The following TUSC3 variants were observed in gnomAD, a reference collection of about 807,000 sequenced individuals.
TUSC3 encodes tumor suppressor candidate 3.
TUSC3 carries 45 observed loss-of-function variants against 44.8 expected under a neutral mutation model. That is an observed-to-expected ratio of 1.00 (90% CI 0.79 to 1.29). The LOEUF (loss-of-function observed/expected upper bound fraction) is 1.29. Ranked by LOEUF, TUSC3 falls within the 50% of genes most tolerant of loss-of-function variation. TUSC3 has a pLI of 0.00. For synonymous variants in TUSC3, 212 were observed against 152.9 expected (o/e 1.39, Z -2.85); for missense variants, 519 against 437.9 (o/e 1.19, Z -1.65).
rs1585157934 is a variant in TUSC3, at chr8:15,617,472, G to C, written c.139-5608G>C. ...GTTTAAAAAGCCACACATTAATATG[G>C]ATGCCTCCAACTCCTGTCCAACGTC... On this transcript the variant is annotated intron_variant, in intron 1 of 10. Coordinates refer to ENST00000503731, the MANE Select transcript of TUSC3 (RefSeq NM_006765.4). Among the ~76,000 whole-genome samples the C allele has an allele frequency of 6.6e-5, 10 of 152,090 alleles. 1 individual carries two copies. In the South Asian group the frequency reaches 1.5e-3, roughly 22 times the overall value.
At chr8:15,750,141 G>C (rs984072796) in intron 9 of TUSC3, among the ~76,000 whole-genome samples, 6 of 151,368 alleles carry the variant, frequency 4.0e-5, no homozygotes, top group African/African-American at 1.5e-4. Flanking sequence ...CACCATGCCT[G>C]GCTAATTTTT....
intron 6 of TUSC3, among the ~76,000 whole-genome samples, chr8:15,681,673 A>G (rs568022066): frequency 3.3e-5 from 5 of 151,244 alleles, no homozygotes; most frequent in East Asian, 1.9e-4. Context: ...ATTTCATTCA[A>G]TTATGCTCTG....
intron 1 of TUSC3, among the ~76,000 whole-genome samples, chr8:15,462,352 T>A (rs148984654): frequency 5.7e-4 from 87 of 152,222 alleles, no homozygotes; most frequent in African/African-American, 2.0e-3. Flanking sequence ...GGGCAAAGTA[T>A]CTGAAAAGAC....
intron 2 of TUSC3, among the ~76,000 whole-genome samples, chr8:15,497,187 T>C (rs1425994839): frequency 1.3e-5 from 2 of 152,112 alleles, no homozygotes; most frequent in East Asian, 1.9e-4. Flanking sequence ...CTCTGAGAAG[T>C]TTAAGTTTGA....
intron 1 of TUSC3, among the ~76,000 whole-genome samples, chr8:15,466,817 A>G (rs1453442736): frequency 6.6e-6 from 1 of 152,020 alleles, no homozygotes; most frequent in Non-Finnish European, 1.5e-5. Context: ...GTACATCTCC[A>G]TGTTGTGATG....
chr8:15,610,027 T>G (rs1283554794), intron 1 of TUSC3, among the ~76,000 whole-genome samples: 1 of 152,156 alleles, frequency 6.6e-6, no homozygotes, highest in Admixed American at 6.6e-5. Context: ...TGTTTTTATT[T>G]TTGTTGCTGT....
At chr8:15,588,252 C>G (rs1368832581) in intron 1 of TUSC3, among the ~76,000 whole-genome samples, 1 of 152,064 alleles carries the variant, frequency 6.6e-6, no homozygotes, top group African/African-American at 2.4e-5. Context: ...TGATACTTGT[C>G]ATTCTGGGAT....
At chr8:15,504,578 G>GAT (rs1158864721) in intron 2 of TUSC3, among the ~76,000 whole-genome samples, 42 of 33,444 alleles carry the variant, frequency 1.3e-3, no homozygotes, top group South Asian at 3.6e-3. Context: ...CAACTTTCAG[G>GAT]ATATATATAT....
At chr8:15,420,565 C>T (rs532023999) in intron 1 of TUSC3, among the ~76,000 whole-genome samples, 4 of 151,440 alleles carry the variant, frequency 2.6e-5, no homozygotes, top group Admixed American at 2.6e-4. Context: ...AGTCATTTCC[C>T]CTAACAGTAC....
chr8:15,505,782 C>G (rs1393170263), intron 2 of TUSC3, among the ~76,000 whole-genome samples: 1 of 152,018 alleles, frequency 6.6e-6, no homozygotes, highest in African/African-American at 2.4e-5. Flanking sequence ...GTTTTAAACC[C>G]TACAGAGTAA....
At chr8:15,507,807 A>C (rs2129127862) in intron 2 of TUSC3, among the ~76,000 whole-genome samples, 1 of 152,244 alleles carries the variant, frequency 6.6e-6, no homozygotes, top group African/African-American at 2.4e-5. Context: ...AAAAAACTAT[A>C]GTTAAATAAA....
the TUSC3 span, among the ~76,000 whole-genome samples, chr8:15,802,477 A>G: frequency 6.6e-6 from 1 of 152,078 alleles, no homozygotes; most frequent in Non-Finnish European, 1.5e-5. Flanking sequence ...GCTGGAGTGC[A>G]GCGGCGTGAT....
chr8:15,535,932 A>G (rs370924402), upstream of TUSC3, among the ~76,000 whole-genome samples: 164 of 152,342 alleles, frequency 1.1e-3, no homozygotes, highest in African/African-American at 3.8e-3. Flanking sequence ...CATGTAACCC[A>G]GGACGGCCTT....
chr8:15,838,073 G>GTCTC, the TUSC3 span, among the ~76,000 whole-genome samples: 6 of 152,034 alleles, frequency 3.9e-5, no homozygotes, highest in Admixed American at 3.9e-4. Flanking sequence ...ATAATGTAAA[G>GTCTC]TCTCTCTCTC....
At chr8:15,683,074 T>A (rs1808490690) in intron 6 of TUSC3, among the ~76,000 whole-genome samples, 1 of 152,168 alleles carries the variant, frequency 6.6e-6, no homozygotes, top group African/African-American at 2.4e-5. Flanking sequence ...TCTAGCTGCC[T>A]TTAAGATTTT....
At chr8:15,532,779 A>C (rs970982523) in intron 2 of TUSC3, among the ~76,000 whole-genome samples, 12 of 152,172 alleles carry the variant, frequency 7.9e-5, no homozygotes. Context: ...TCTCATGATA[A>C]TGAATAAGTC....
intron 1 of TUSC3, among the ~76,000 whole-genome samples, chr8:15,559,693 T>C (rs553611002): frequency 0.012 from 1,622 of 133,638 alleles, 161 homozygotes; most frequent in African/African-American, 0.043. Flanking sequence ...GCTCCTGTAT[T>C]GGGTGCATAT....
At chr8:15,538,835 A>G (rs1424456722), upstream of TUSC3, among the ~76,000 whole-genome samples, 2 of 151,452 alleles carry the variant, frequency 1.3e-5, no homozygotes, top group Non-Finnish European at 2.9e-5. Flanking sequence ...AGTATTATAT[A>G]TATAATATTT....
chr8:15,546,440 C>T (rs1428452914), intron 1 of TUSC3, among the ~76,000 whole-genome samples: 1 of 151,718 alleles, frequency 6.6e-6, no homozygotes. Flanking sequence ...GACTATTTTA[C>T]AAGAAGTATT....
Sources: allele counts gnomAD v4.1 joint callset (sites outside exome capture counted in the v4.1 genomes callset), GRCh38; gene constraint gnomAD v4.1.1; transcripts MANE v1.5; gene names NCBI Gene and HGNC (gene_info 2026-07-23, HGNC 2026-07-21).